The following CYP4F11 variants were observed in gnomAD, a reference collection of about 807,000 sequenced individuals.
CYP4F11 encodes the protein cytochrome P450 family 4 subfamily F member 11, also known as cytochrome P450 4F11.
In CYP4F11, 79 loss-of-function variants were observed where a neutral mutation model predicts 62.2. The ratio of observed to expected loss-of-function variants is 1.27; its 90% CI spans 1.06 to 1.53. CYP4F11 has a LOEUF of 1.53. Among genes scored for constraint, CYP4F11 ranks in the 40% most tolerant of loss-of-function variants. The probability of loss-of-function intolerance (pLI) is 0.00; values close to 1 mark genes in which losing one functional copy is unlikely to be tolerated. For missense variants in CYP4F11, 777 were observed against 680.5 expected (o/e 1.14, Z -1.58); for synonymous variants, 290 against 263.7 (o/e 1.10, Z -0.97).
At chr19:15,919,389 TA>T (rs971279152) in intron 8 of CYP4F11, among the ~76,000 whole-genome samples, 15 of 150,412 alleles carry the variant, frequency 1.0e-4, no homozygotes, top group African/African-American at 3.7e-4. Context: ...GAAGGATGAA[TA>T]GATAGGATAA....
rs746827323 is a variant in CYP4F11 at position 15,927,476 on chromosome 19, G to A, written c.351C>T (p.Val117=). 1.2e-5 allele frequency: 20 copies of A among 1,613,990 alleles called. No homozygotes were observed. Among genetic ancestry groups the A allele is most frequent in the East Asian group, 2.2e-5 (1 of 44,882 alleles). The change falls in exon 3 of 12, where the codon GTC becomes GTT. Residue 117 remains valine, a synonymous_variant. Coordinates refer to ENST00000402119, the MANE Select transcript of CYP4F11 (RefSeq NM_021187.4). ...CATAGAAAATCATATCCTTGGGTGCGACAGCAGCTGACATGATTGAGGACC... is the reference window on the plus strand; with the variant it reads ...CATAGAAAATCATATCCTTGGGTGCAACAGCAGCTGACATGATTGAGGACC... ...IRPITSASAA[V]APKDMIFYGF... is the part of the protein sequence containing the mutation.
intron 8 of CYP4F11, among the ~76,000 whole-genome samples, chr19:15,915,683 C>T (rs993925814): frequency 1.3e-5 from 2 of 151,654 alleles, no homozygotes; most frequent in African/African-American, 4.8e-5. Flanking sequence ...GTATGTCAGT[C>T]TTTTCTTGTG....
chr19:15,913,764 G>T lies in CYP4F11; in HGVS notation c.1543C>A (p.Arg515=), dbSNP rs148679944. The T allele has an allele frequency of 5.0e-6, 8 of 1,614,146 alleles. No individual in the cohort carries two copies. Among genetic ancestry groups the T allele is most frequent in the Non-Finnish European group, 6.8e-6 (8 of 1,179,992 alleles). Residue 515 remains arginine, a synonymous_variant, in exon 12 of 12, where the codon CGG becomes AGG. Transcript: ENST00000402119. ...ILRAEGGLWL[R]VEPLGANSQ ...GAGTTCGCACCCAGGGGCTCCACCC[G>T]CAGCCAAAGTCCACCCTCTGCGCGC...
chr19:15,919,259 A>T (rs927936865), intron 8 of CYP4F11, among the ~76,000 whole-genome samples: 1 of 148,222 alleles, frequency 6.7e-6, no homozygotes, highest in African/African-American at 2.5e-5. Context: ...ATATTAAAAT[A>T]TATAAATATG....
chr19:15,934,655 C>T, upstream of CYP4F11: 1 of 443,512 alleles, frequency 2.3e-6, no homozygotes, highest in Non-Finnish European at 3.9e-6. Flanking sequence ...CAAAAAGGCC[C>T]AGCCTGAATC....
Position 15,934,237 on chromosome 19 carries a change from T to A in CYP4F11, c.172A>T (p.Asn58Tyr), listed in dbSNP as rs140848882. Reference protein sequence around the residue: ...LQCFPQPPKQNWFWGHQGLVT... With the variant: ...LQCFPQPPKQYWFWGHQGLVT... ...AGGCCCTGGTGTCCCCAAAACCAGT[T>A]CTGTTTCGGGGGTTGAGGAAAACAC... The change falls in exon 1 of 12, where the codon AAC (asparagine) becomes TAC (tyrosine). Residue 58 changes from asparagine to tyrosine, a missense_variant. Transcript: ENST00000402119. The A allele has an allele frequency of 6.2e-7, 1 of 1,613,606 alleles. No individual in the cohort carries two copies. The highest frequency in any genetic ancestry group is 2.2e-5 in the East Asian group (1 of 44,858).
rs751813821 is a variant in CYP4F11 at position 15,914,256 on chromosome 19, C to T, written c.1397+49G>A. On this transcript the variant is annotated intron_variant, in intron 11 of 11. Transcript: ENST00000402119. ...CATCTGTAACTTCCCCCTTTTTGGA[C>T]CCCTGCACCCATCATGCCATCTCTG... 7 of 1,591,486 alleles carry T rather than the reference C, an allele frequency of 4.4e-6. No homozygotes were observed. In the African/African-American group the frequency reaches 8.1e-5, roughly 18 times the overall value.
chr19:15,931,561 CGAGGAGAGGAATGAGTGAGCGAGG>C lies in CYP4F11; in HGVS notation c.199-1984_199-1961del, dbSNP rs2089719810. On this transcript the variant is annotated intron_variant, in intron 1 of 11. Transcript: ENST00000402119. ...GTGAGCGGGGAGAGGAATGAGTGAG[CGAGGAGAGGAATGAGTGAGCGAGG>C]AGAGGAATGAGTGAGTGAGGAGAGG... 1.5e-4 allele frequency among the ~76,000 whole-genome samples: 9 copies of C among 61,598 alleles called. 1 individual carries two copies. The highest frequency in any genetic ancestry group is 2.4e-4 in the African/African-American group (4 of 16,500). The allele number at this position is 61,598 out of a possible 152,430, so 40.4% of individuals were successfully genotyped here.
rs1342643315 is a variant in CYP4F11, at chr19:15,913,802, G to C, written c.1505C>G (p.Pro502Arg). ...ACCCTCTGCGCGCAATATCAGCTCG[G>C]GTTTCCTGCGGGGTTCAGTGTGGGT... is the stretch of plus-strand genomic sequence containing the variant. ...LPTHTEPRRK[P>R]ELILRAEGGL... Residue 502 changes from proline to arginine, a missense_variant, in exon 12 of 12, where the codon CCC becomes CGC. Coordinates refer to ENST00000402119, the MANE Select transcript of CYP4F11 (RefSeq NM_021187.4). 1.9e-6 allele frequency: 3 copies of C among 1,614,080 alleles called. No homozygotes were observed. The highest frequency in any genetic ancestry group is 2.7e-5 in the African/African-American group (2 of 74,932).
intron 4 of CYP4F11, among the ~76,000 whole-genome samples, chr19:15,926,171 A>G (rs1008373937): frequency 5.9e-5 from 9 of 151,920 alleles, no homozygotes; most frequent in African/African-American, 2.2e-4. Context: ...AAAAAAAAAA[A>G]AAAGAAAGCA....
At chr19:15,918,609 A>T (rs190045908) in intron 8 of CYP4F11, among the ~76,000 whole-genome samples, 1 of 152,316 alleles carries the variant, frequency 6.6e-6, no homozygotes, top group Non-Finnish European at 1.5e-5. Context: ...AGAGATATTC[A>T]CACAAATAAG....
intron 5 of CYP4F11, 98 bp downstream of exon 5, chr19:15,924,650 ACAGAAAGTGCCTT>A: frequency 7.5e-7 from 1 of 1,326,112 alleles, no homozygotes; most frequent in Non-Finnish European, 1.1e-6. Flanking sequence ...GCTATGACAC[ACAGAAAGTGCCTT>A]CAGAAAGGCA....
chr19:15,916,253 C>G (rs961686788), intron 8 of CYP4F11, among the ~76,000 whole-genome samples: 17 of 152,068 alleles, frequency 1.1e-4, no homozygotes, highest in Admixed American at 5.2e-4. Flanking sequence ...GATAATCTAT[C>G]TAATTTTTAG....
intron 4 of CYP4F11, among the ~76,000 whole-genome samples, chr19:15,926,160 GAAA>G (rs59000790): frequency 1.6e-4 from 23 of 145,140 alleles, no homozygotes; most frequent in Middle Eastern, 7.1e-3. Context: ...TGAGACTCCA[GAAA>G]AAAAAAAAAA....
rs2089544705 is a variant in CYP4F11 at position 15,912,743 on chromosome 19, A to ATGTG, written c.*988_*989insCACA. 1 of 34,112 alleles carries ATGTG rather than the reference A, an allele frequency of 2.9e-5. No homozygotes were observed. Among genetic ancestry groups the ATGTG allele is most frequent in the African/African-American group, 1.2e-4 (1 of 8,650 alleles). 2.1% of individuals were successfully genotyped at this position (34,112 alleles called of 1,614,324 possible). A position where few individuals can be genotyped will look rare whatever the true frequency, so the allele number is the denominator to read the frequency against. ...TGTGTGTGTGTGTGTGTATATGTAT[A>ATGTG]TATGTGTGTGTGTGTGTGTGTGTGT... On this transcript the variant is annotated 3_prime_UTR_variant, in exon 12 of 12. Transcript: ENST00000402119.
At position 15,923,992 on chromosome 19, in the gene CYP4F11, C is replaced by T. The variant is rs754020334; in HGVS notation, c.738G>A (p.Leu246=). Residue 246 remains leucine (L), a synonymous_variant, in exon 6 of 12, where the codon CTG becomes CTA. Transcript: ENST00000402119. ...GCTGCCCATCAGGAGTGAGATAATA[C>T]AGGAAGTCCGTGTGCAAGAGAATCT... ...NQQILLHTDF[L]YYLTPDGQRF... 4.2e-5 allele frequency: 67 copies of T among 1,614,076 alleles called. No individual in the cohort carries two copies. The highest frequency in any genetic ancestry group is 5.4e-5 in the Non-Finnish European group (64 of 1,180,042).
rs771510465 is a variant in CYP4F11 at position 15,927,292 on chromosome 19, G to A, written c.445C>T (p.Arg149Trp). 2.0e-5 allele frequency: 33 copies of A among 1,614,000 alleles called. No individual in the cohort carries two copies. The East Asian group carries it at 2.4e-4, about 12-fold the overall frequency. ...SGGDKWSRHR[R>W]MLTPAFHFNI... is the part of the protein sequence containing the mutation. ...AAATGGAAGGCAGGCGTCAACATCC[G>A]ACGGTGGCGGCTCCACTTGTCACCA... Residue 149 changes from arginine (R) to tryptophan (W), a missense_variant, in exon 4 of 12, where the codon CGG becomes TGG. By Grantham distance (101) the Arg-to-Trp change is moderately radical. Transcript: ENST00000402119.
chr19:15,914,068 C>A (rs1481737771), intron 11 of CYP4F11, among the ~76,000 whole-genome samples, 159 bp from the exon 12 acceptor site: 2 of 152,096 alleles, frequency 1.3e-5, no homozygotes, highest in Admixed American at 1.3e-4. Flanking sequence ...GCTTGCATAT[C>A]CCCCAAACCT....
chr19:15,920,293 G>A (rs1310845947), intron 8 of CYP4F11, among the ~76,000 whole-genome samples: 1 of 152,136 alleles, frequency 6.6e-6, no homozygotes, highest in Non-Finnish European at 1.5e-5. Flanking sequence ...CATTGTTAGT[G>A]GGCAGACCTG....
Sources: gnomAD v4.1 joint callset for allele counts (sites outside exome capture counted in the v4.1 genomes callset) on GRCh38, gnomAD v4.1.1 for gene constraint, MANE v1.5 for transcripts, NCBI Gene and HGNC (gene_info 2026-07-23, HGNC 2026-07-21) for gene names.